Variants in HS3ST5 observed in about 807,000 individuals in gnomAD.
HS3ST5 encodes the protein heparan sulfate glucosamine 3-O-sulfotransferase 5.
In HS3ST5, 10 loss-of-function variants were observed where a neutral mutation model predicts 25.4. The ratio of observed to expected loss-of-function variants is 0.39; its 90% CI spans 0.24 to 0.67. The LOEUF is 0.67. Ranked by LOEUF, HS3ST5 falls within the 30% of genes least tolerant of loss-of-function variation. HS3ST5 has a pLI of 0.44. For missense variants in HS3ST5, 324 were observed against 420.7 expected, an observed-to-expected ratio of 0.77 and a Z score of 2.01; for synonymous variants, 170 against 162.4, an observed-to-expected ratio of 1.05 and a Z score of -0.36.
intron 1 of HS3ST5, among the ~76,000 whole-genome samples, chr6:114,320,215 A>G (rs1236112561): frequency 6.6e-6 from 1 of 152,108 alleles, no homozygotes. Context: ...TTCTAATGAA[A>G]CTGAGACTCA....
intron 1 of HS3ST5, among the ~76,000 whole-genome samples, chr6:114,275,129 T>C (rs1408081173): frequency 1.3e-5 from 2 of 151,312 alleles, no homozygotes; most frequent in Non-Finnish European, 2.9e-5. Flanking sequence ...CTACAATTCT[T>C]TATGACTCAA....
chr6:114,084,411 C>G lies in HS3ST5; in HGVS notation c.-32-21534G>C. 4.0e-6 allele frequency: 3 copies of G among 755,884 alleles called. No homozygotes were observed. In the Admixed American group the frequency reaches 5.1e-5, roughly 13 times the overall value. 46.8% of individuals were successfully genotyped at this position (755,884 alleles called of 1,614,324 possible). The stretch of plus-strand genomic sequence containing the variant: ...CGGTCACAGCATTTTCAGCAGCAGC[C>G]TGCTCTTCTTTTTCAGTCTCTTCAG... On this transcript the variant is annotated intron_variant, in intron 3 of 4. Transcript: ENST00000312719.
intron 1 of HS3ST5, among the ~76,000 whole-genome samples, chr6:114,260,951 T>C (rs1333650807): frequency 7.3e-6 from 1 of 137,228 alleles, no homozygotes; most frequent in Admixed American, 7.2e-5. Context: ...CCACTCTAGA[T>C]GCAATATGTG....
At chr6:114,281,894 C>T (rs981963185) in intron 1 of HS3ST5, 2 of 151,872 alleles carry the variant, frequency 1.3e-5, no homozygotes, top group Non-Finnish European at 2.9e-5. Flanking sequence ...AGGAAGTGCA[C>T]TCGAGGGGAA....
At chr6:114,290,701 G>A (rs1301386299) in intron 1 of HS3ST5, among the ~76,000 whole-genome samples, 2 of 151,984 alleles carry the variant, frequency 1.3e-5, no homozygotes, top group Admixed American at 6.6e-5. Flanking sequence ...CAGGCTCATT[G>A]GGAACACATT....
intron 1 of HS3ST5, among the ~76,000 whole-genome samples, chr6:114,324,929 G>A (rs1317477513): frequency 1.3e-5 from 2 of 152,188 alleles, no homozygotes; most frequent in Non-Finnish European, 2.9e-5. Context: ...CCTGTGACTG[G>A]TTAATAAAGT....
intron 3 of HS3ST5, among the ~76,000 whole-genome samples, chr6:114,125,864 C>T (rs1428665004): frequency 2.0e-5 from 3 of 152,148 alleles, no homozygotes; most frequent in Non-Finnish European, 4.4e-5. Context: ...CAGAAATAGG[C>T]AAATTATCCA....
At chr6:114,341,376 G>A (rs1396445624) in intron 1 of HS3ST5, among the ~76,000 whole-genome samples, 3 of 152,126 alleles carry the variant, frequency 2.0e-5, no homozygotes, top group Non-Finnish European at 4.4e-5. Context: ...ACCCACCAAG[G>A]TGAAGTGACT....
intron 1 of HS3ST5, among the ~76,000 whole-genome samples, chr6:114,246,068 TG>T (rs5879254): frequency 0.16 from 24,589 of 152,214 alleles, 2,061 homozygotes; most frequent in Middle Eastern, 0.28. Context: ...TTTCATACAC[TG>T]GACCTAGCCT....
chr6:114,105,691 A>G (rs985717852), intron 3 of HS3ST5, among the ~76,000 whole-genome samples: 1 of 152,150 alleles, frequency 6.6e-6, no homozygotes, highest in African/African-American at 2.4e-5. Context: ...GGATAAGTGC[A>G]CTATAAATTT....
chr6:114,112,560 A>G (rs1038281487), intron 3 of HS3ST5: 2 of 152,232 alleles, frequency 1.3e-5, no homozygotes, highest in African/African-American at 4.8e-5. Flanking sequence ...ACTAATGCCC[A>G]CGGTTAAATT....
intron 2 of HS3ST5, among the ~76,000 whole-genome samples, chr6:114,196,852 TA>T (rs1160193603): frequency 1.4e-5 from 2 of 141,272 alleles, no homozygotes; most frequent in Middle Eastern, 3.5e-3. Flanking sequence ...AAGGAGAAAC[TA>T]AAGTCCAGGC....
intron 3 of HS3ST5, among the ~76,000 whole-genome samples, chr6:114,112,909 T>G (rs1240479985): frequency 1.3e-5 from 2 of 152,198 alleles, no homozygotes; most frequent in Non-Finnish European, 2.9e-5. Flanking sequence ...CCACATGTTA[T>G]AGTAGTAGAT....
intron 1 of HS3ST5, among the ~76,000 whole-genome samples, chr6:114,327,256 C>T (rs1204835023): frequency 6.6e-6 from 1 of 152,106 alleles, no homozygotes; most frequent in Non-Finnish European, 1.5e-5. Flanking sequence ...AGTGGGTTGG[C>T]CATATCCTTT....
At chr6:114,264,320 A>T (rs1309208509) in intron 1 of HS3ST5, among the ~76,000 whole-genome samples, 1 of 152,206 alleles carries the variant, frequency 6.6e-6, no homozygotes, top group Non-Finnish European at 1.5e-5. Context: ...TTCAGGATGC[A>T]TTTCTGAAAG....
At chr6:114,140,665 G>A (rs549507778) in intron 3 of HS3ST5, among the ~76,000 whole-genome samples, 4 of 152,268 alleles carry the variant, frequency 2.6e-5, no homozygotes, top group East Asian at 3.9e-4. Context: ...CTGCTCCAAC[G>A]GTACACAGAA....
intron 2 of HS3ST5, among the ~76,000 whole-genome samples, chr6:114,203,568 G>C (rs1781127856): frequency 6.6e-6 from 1 of 152,164 alleles, no homozygotes; most frequent in Admixed American, 6.5e-5. Context: ...ATATTTTTCA[G>C]ACTTTTGCAT....
chr6:114,329,864 T>G (rs1243696507), intron 1 of HS3ST5, among the ~76,000 whole-genome samples: 1 of 152,208 alleles, frequency 6.6e-6, no homozygotes, highest in Non-Finnish European at 1.5e-5. Flanking sequence ...TACAGTACAT[T>G]ATTTAAATAG....
chr6:114,130,639 G>A (rs796847369), intron 3 of HS3ST5, among the ~76,000 whole-genome samples: 2 of 152,068 alleles, frequency 1.3e-5, no homozygotes, highest in African/African-American at 4.8e-5. Context: ...GCGCAATCTC[G>A]GCTCACTGCA....
Sources: allele counts gnomAD v4.1 joint callset (sites outside exome capture counted in the v4.1 genomes callset), GRCh38; gene constraint gnomAD v4.1.1; transcripts MANE v1.5; gene names NCBI Gene and HGNC (gene_info 2026-07-23, HGNC 2026-07-21).